The following NR3C2 variants were observed in gnomAD, a reference collection of about 807,000 sequenced individuals.
NR3C2 encodes the protein nuclear receptor subfamily 3 group C member 2, also known as mineralocorticoid receptor.
NR3C2 carries 15 observed loss-of-function variants against 86.4 expected under a neutral mutation model. The ratio of observed to expected loss-of-function variants is 0.17; its 90% confidence interval spans 0.12 to 0.27. NR3C2 has a LOEUF of 0.27. Among genes scored for constraint, NR3C2 ranks in the 10% least tolerant of loss-of-function variants. The probability of loss-of-function intolerance (pLI) is 1.00; values close to 1 mark genes in which losing one functional copy is unlikely to be tolerated. For missense variants in NR3C2, 960 were observed against 1,195.6 expected, an observed-to-expected ratio of 0.80 and a Z score of 2.91; for synonymous variants, 458 against 450.5, an observed-to-expected ratio of 1.02 and a Z score of -0.21.
intron 2 of NR3C2, among the ~76,000 whole-genome samples, chr4:148,409,974 T>C (rs1406072401): frequency 6.6e-6 from 1 of 152,176 alleles, no homozygotes; most frequent in African/African-American, 2.4e-5. Flanking sequence ...ATAATGTCTA[T>C]AAAGTCCTTT....
chr4:148,169,033 A>G (rs947829224), intron 4 of NR3C2, among the ~76,000 whole-genome samples: 1 of 152,166 alleles, frequency 6.6e-6, no homozygotes, highest in African/African-American at 2.4e-5. Context: ...AAATCAATAT[A>G]CCATAACATG....
At chr4:148,199,162 G>A (rs1342541291) in intron 3 of NR3C2, among the ~76,000 whole-genome samples, 5 of 150,092 alleles carry the variant, frequency 3.3e-5, no homozygotes, top group African/African-American at 4.9e-5. Flanking sequence ...AGTGAGTAAA[G>A]AGCGTCCTGT....
chr4:148,161,640 A>T (rs1210480958), intron 4 of NR3C2, among the ~76,000 whole-genome samples: 1 of 152,088 alleles, frequency 6.6e-6, no homozygotes, highest in Non-Finnish European at 1.5e-5. Context: ...TGTGTGTGTA[A>T]AGCTATCCAC....
intron 2 of NR3C2, among the ~76,000 whole-genome samples, chr4:148,344,560 T>C (rs1418231430): frequency 1.3e-5 from 2 of 152,118 alleles, no homozygotes; most frequent in Admixed American, 6.6e-5. Context: ...TGGTCAGCAC[T>C]CAATGAATGT....
intron 4 of NR3C2, among the ~76,000 whole-genome samples, chr4:148,172,628 T>C (rs1735187074): frequency 6.6e-6 from 1 of 152,236 alleles, no homozygotes; most frequent in African/African-American, 2.4e-5. Flanking sequence ...TTATTATTTT[T>C]TGGCCAAACA....
intron 8 of NR3C2, among the ~76,000 whole-genome samples, chr4:148,081,899 G>A (rs1730580378): frequency 6.6e-6 from 1 of 152,204 alleles, no homozygotes; most frequent in Admixed American, 6.5e-5. Flanking sequence ...GTGGGAAGGG[G>A]CAAGTGCTGG....
At chr4:148,098,748 T>C (rs1281007722) in intron 8 of NR3C2, among the ~76,000 whole-genome samples, 3 of 152,248 alleles carry the variant, frequency 2.0e-5, no homozygotes, top group African/African-American at 7.2e-5. Context: ...AACCCACATA[T>C]ACTTTCTAGT....
intron 2 of NR3C2, among the ~76,000 whole-genome samples, chr4:148,412,841 A>ACC (rs113459613): frequency 0.55 from 83,436 of 151,086 alleles, 23,583 homozygotes; most frequent in East Asian, 0.68. Flanking sequence ...ACACACACAC[A>ACC]CCCCTTAGTT....
intron 2 of NR3C2, among the ~76,000 whole-genome samples, chr4:148,421,580 G>C (rs2048547): frequency 0.97 from 148,179 of 152,278 alleles, 72,175 homozygotes; most frequent in Non-Finnish European, 1. Flanking sequence ...ACTCAGCTTG[G>C]TTAATATCAG....
intron 2 of NR3C2, among the ~76,000 whole-genome samples, chr4:148,415,857 T>G (rs775370982): frequency 1.3e-5 from 2 of 152,176 alleles, no homozygotes; most frequent in African/African-American, 2.4e-5. Context: ...TGTAGAAAAT[T>G]TGGTAAATAC....
chr4:148,299,778 T>C (rs917161698), intron 2 of NR3C2, among the ~76,000 whole-genome samples: 2 of 152,230 alleles, frequency 1.3e-5, no homozygotes, highest in African/African-American at 4.8e-5. Context: ...TTTATTTTTT[T>C]CTCCACCCTG....
Position 148,436,309 on chromosome 4 carries a change from A to G in NR3C2, c.552T>C (p.Pro184=). ...ACGGGCTTTTCTCATGACACATGAT[A>G]GGGCTTTTAACAACGGCGCGCATGA... ...GGVMRAVVKS[P]IMCHEKSPSV... Residue 184 remains proline, a synonymous_variant, in exon 2 of 9, where the codon CCT becomes CCC. Coordinates refer to ENST00000358102, the MANE Select transcript of NR3C2 (RefSeq NM_000901.5). 6.2e-7 allele frequency: 1 copy of G among 1,614,188 alleles called. No individual in the cohort carries two copies. Among genetic ancestry groups the G allele is most frequent in the Middle Eastern group, 1.6e-4 (1 of 6,062 alleles).
intron 2 of NR3C2, among the ~76,000 whole-genome samples, chr4:148,275,433 T>G (rs964813134): frequency 6.6e-6 from 1 of 151,982 alleles, no homozygotes; most frequent in South Asian, 2.1e-4. Context: ...TCTTATCTTA[T>G]CTTTTTTTTT....
intron 2 of NR3C2, among the ~76,000 whole-genome samples, chr4:148,381,291 A>G (rs1746976448): frequency 6.6e-6 from 1 of 152,146 alleles, no homozygotes; most frequent in African/African-American, 2.4e-5. Flanking sequence ...AAGCAGTTCA[A>G]TATCTTATGG....
intron 2 of NR3C2, among the ~76,000 whole-genome samples, chr4:148,286,979 G>A (rs1741557336): frequency 6.6e-6 from 1 of 152,206 alleles, no homozygotes; most frequent in Non-Finnish European, 1.5e-5. Flanking sequence ...CTGTTTGCTA[G>A]TGGCAGAATA....
chr4:148,152,451 T>G lies in NR3C2; in HGVS notation c.2510+18A>C. 3.1e-6 allele frequency: 5 copies of G among 1,612,126 alleles called. No homozygotes were observed. The highest frequency in any genetic ancestry group is 4.2e-6 in the Non-Finnish European group (5 of 1,178,514). On this transcript the variant is annotated intron_variant, in intron 6 of 8. Coordinates refer to ENST00000358102, the MANE Select transcript of NR3C2 (RefSeq NM_000901.5). ...ACTCTGCAGTTTATTTTATGAAGGC[T>G]AATTAATAGGTACTTACTCATTAAA...
At chr4:148,311,685 C>T (rs182956854) in intron 2 of NR3C2, among the ~76,000 whole-genome samples, 1 of 152,300 alleles carries the variant, frequency 6.6e-6, no homozygotes, top group African/African-American at 2.4e-5. Flanking sequence ...TTTCCAACTG[C>T]CCCAGTGACA....
chr4:148,191,706 T>A (rs1465669470), intron 4 of NR3C2, among the ~76,000 whole-genome samples: 1 of 152,242 alleles, frequency 6.6e-6, no homozygotes, highest in Non-Finnish European at 1.5e-5. Flanking sequence ...TTGTCTTTGT[T>A]GGATTGGGTT....
At chr4:148,215,567 G>A (rs560213607) in intron 3 of NR3C2, among the ~76,000 whole-genome samples, 5 of 152,126 alleles carry the variant, frequency 3.3e-5, no homozygotes, top group Admixed American at 3.3e-4. Context: ...TAACACTGAG[G>A]TTAAAATAGC....
Sources: gnomAD v4.1 joint callset for allele counts (sites outside exome capture counted in the v4.1 genomes callset) on GRCh38, gnomAD v4.1.1 for gene constraint, MANE v1.5 for transcripts, NCBI Gene and HGNC (gene_info 2026-07-23, HGNC 2026-07-21) for gene names.